The following DGKI variants were observed in gnomAD, a reference collection of about 807,000 sequenced individuals.
DGKI encodes diacylglycerol kinase iota, also known as DAG kinase iota.
DGKI carries 55 observed loss-of-function variants against 147.5 expected under a neutral mutation model. The observed-to-expected ratio is 0.37, with a 90% CI of 0.30 to 0.47. The LOEUF (loss-of-function observed/expected upper bound fraction) is 0.47, where lower values mean the gene tolerates loss of function less well. Among genes scored for constraint, DGKI ranks in the 20% least tolerant of loss-of-function variants. The pLI, the probability that DGKI is intolerant of heterozygous loss-of-function variation, is 1.00. For synonymous variants in DGKI, 469 were observed against 477.1 expected, an observed-to-expected ratio of 0.98 and a Z score of 0.22; for missense variants, 1,007 against 1,323.8, an observed-to-expected ratio of 0.76 and a Z score of 3.71.
At chr7:137,641,201 C>A (rs1821612273) in intron 6 of DGKI, among the ~76,000 whole-genome samples, 1 of 152,172 alleles carries the variant, frequency 6.6e-6, no homozygotes, top group Non-Finnish European at 1.5e-5. Context: ...CCTTGCCTTC[C>A]ACCATGATTG....
intron 32 of DGKI, among the ~76,000 whole-genome samples, chr7:137,392,351 A>T (rs1811397176): frequency 6.6e-6 from 1 of 152,202 alleles, no homozygotes; most frequent in East Asian, 1.9e-4. Context: ...ATCGCTCAAA[A>T]TTTCTAATTT....
rs561979330 is a variant in DGKI at position 137,809,267 on chromosome 7, A to C, written c.401+37195T>G. Among the ~76,000 whole-genome samples the C allele has an allele frequency of 6.6e-5, 10 of 152,326 alleles. No individual in the cohort carries two copies. The South Asian group carries it at 1.9e-3, about 28-fold the overall frequency. On this transcript the variant is annotated intron_variant, in intron 1 of 32. Transcript: ENST00000614521. ...TGGAGACGGGAACAGGAGGCTACAG[A>C]ATAGCAATAATAAAGATAATAATAG...
chr7:137,575,577 T>C (rs1206316837), intron 17 of DGKI, among the ~76,000 whole-genome samples: 1 of 152,158 alleles, frequency 6.6e-6, no homozygotes, highest in African/African-American at 2.4e-5. Context: ...GCAGTAAAGT[T>C]TAATTTTTGC....
chr7:137,844,899 C>A (rs1011280312), intron 1 of DGKI, among the ~76,000 whole-genome samples: 1 of 152,156 alleles, frequency 6.6e-6, no homozygotes, highest in East Asian at 1.9e-4. Context: ...ATCACCACCC[C>A]CTTCCAACTC....
chr7:137,428,896 T>C (rs1669610514), intron 28 of DGKI, among the ~76,000 whole-genome samples: 1 of 151,934 alleles, frequency 6.6e-6, no homozygotes, highest in Non-Finnish European at 1.5e-5. Flanking sequence ...CTCAATGAAA[T>C]AAAAGAGGAC....
chr7:137,517,323 G>GAAAGAAAGAA (rs1554421276), intron 21 of DGKI, among the ~76,000 whole-genome samples: 43 of 99,768 alleles, frequency 4.3e-4, no homozygotes, highest in African/African-American at 9.1e-4. Context: ...AAGAAAGAAA[G>GAAAGAAAGAA]AAAGAAAGAA....
chr7:137,571,034 T>C, intron 19 of DGKI, 141 bp downstream of exon 19: 3 of 593,716 alleles, frequency 5.1e-6, no homozygotes, highest in East Asian at 3.3e-5. Context: ...ATTTTTTTTC[T>C]TGTTTTTCCT....
intron 1 of DGKI, among the ~76,000 whole-genome samples, chr7:137,762,097 T>C (rs1795872007): frequency 6.6e-6 from 1 of 152,208 alleles, no homozygotes; most frequent in South Asian, 2.1e-4. Flanking sequence ...TCAAATGTAT[T>C]TACCCCTCTC....
intron 20 of DGKI, chr7:137,546,087 C>T (rs965438504): frequency 6.7e-5 from 37 of 553,420 alleles, no homozygotes; most frequent in African/African-American, 6.2e-4. Flanking sequence ...AGCGCATCAC[C>T]GAACAGCGAA....
chr7:137,811,179 TA>T (rs906448183), intron 1 of DGKI, among the ~76,000 whole-genome samples: 2 of 151,966 alleles, frequency 1.3e-5, no homozygotes, highest in Non-Finnish European at 2.9e-5. Flanking sequence ...TTAAAGTGAT[TA>T]AAAAGTAACA....
intron 28 of DGKI, among the ~76,000 whole-genome samples, chr7:137,439,235 C>T (rs1158894820): frequency 6.6e-6 from 1 of 152,138 alleles, no homozygotes; most frequent in Non-Finnish European, 1.5e-5. Flanking sequence ...TGAGGTACAG[C>T]CATTGATGCC....
intron 6 of DGKI, among the ~76,000 whole-genome samples, chr7:137,630,735 AT>A (rs891042682): frequency 1.6e-4 from 24 of 152,252 alleles, no homozygotes; most frequent in African/African-American, 5.8e-4. Flanking sequence ...GGACAAAAAT[AT>A]TTTTTTCAGA....
intron 8 of DGKI, among the ~76,000 whole-genome samples, chr7:137,613,854 A>G (rs10262164): frequency 0.021 from 3,253 of 152,288 alleles, 95 homozygotes; most frequent in African/African-American, 0.071. Flanking sequence ...GCATTATGTG[A>G]AGAATTATTT....
intron 28 of DGKI, among the ~76,000 whole-genome samples, chr7:137,428,779 T>C (rs1812930077): frequency 6.6e-6 from 1 of 151,930 alleles, no homozygotes; most frequent in Non-Finnish European, 1.5e-5. Context: ...GAGAGCCAAA[T>C]CATGAGTGAA....
At chr7:137,648,109 T>C (rs1821893659) in intron 5 of DGKI, among the ~76,000 whole-genome samples, 1 of 152,122 alleles carries the variant, frequency 6.6e-6, no homozygotes, top group South Asian at 2.1e-4. Flanking sequence ...GTAGAAATAT[T>C]GAATATATAA....
At chr7:137,654,346 T>A (rs1241701917) in intron 5 of DGKI, among the ~76,000 whole-genome samples, 1 of 152,162 alleles carries the variant, frequency 6.6e-6, no homozygotes, top group Non-Finnish European at 1.5e-5. Flanking sequence ...ATGAATGGCT[T>A]ATACCCACTC....
intron 2 of DGKI, among the ~76,000 whole-genome samples, chr7:137,683,366 G>T (rs115823456): frequency 1.3e-5 from 2 of 149,328 alleles, no homozygotes; most frequent in African/African-American, 2.5e-5. Context: ...CTTTTTGTTT[G>T]TGTTTGTTTG....
intron 25 of DGKI, among the ~76,000 whole-genome samples, chr7:137,466,457 T>C (rs1206847593): frequency 6.6e-6 from 1 of 150,382 alleles, no homozygotes. Context: ...ATTCAGATAA[T>C]GGGAGGAATT....
At chr7:137,717,945 G>A (rs143971180) in intron 1 of DGKI, among the ~76,000 whole-genome samples, 6 of 152,244 alleles carry the variant, frequency 3.9e-5, no homozygotes, top group African/African-American at 1.2e-4. Context: ...CCCACCCAGC[G>A]GAAGGAGCTA....
Sources: gnomAD v4.1 joint callset for allele counts (sites outside exome capture counted in the v4.1 genomes callset) on GRCh38, gnomAD v4.1.1 for gene constraint, MANE v1.5 for transcripts, NCBI Gene and HGNC (gene_info 2026-07-23, HGNC 2026-07-21) for gene names.